Variants in RPAP1 observed in about 807,000 individuals in gnomAD.
The protein encoded by RPAP1 is RNA polymerase II-associated protein 1.
A neutral mutation model predicts 142.4 loss-of-function variants in RPAP1; 109 were observed. The ratio of observed to expected loss-of-function variants is 0.77; its 90% CI spans 0.66 to 0.90. The LOEUF is 0.90. RPAP1 is among the 40% of genes least tolerant of loss of function. The probability of loss-of-function intolerance (pLI) is 0.00; values close to 1 mark genes in which losing one functional copy is unlikely to be tolerated. For synonymous variants in RPAP1, 704 were observed against 738.9 expected (o/e 0.95, Z 0.77); for missense variants, 1,546 against 1,751.7 (o/e 0.88, Z 2.10).
intron 9 of RPAP1, among the ~76,000 whole-genome samples, chr15:41,528,586 A>G (rs1341202787): frequency 6.6e-6 from 1 of 152,152 alleles, no homozygotes; most frequent in Non-Finnish European, 1.5e-5. Flanking sequence ...AACCTGGAAA[A>G]TTAAATTGGT....
chr15:41,517,529 T>TA lies in RPAP1; in HGVS notation c.*12dup, dbSNP rs1566881189. The stretch of plus-strand genomic sequence containing the variant: ...AGGACAACGTACCCATCTTTCCATC[T>TA]ATATCAACTATCCTAGGTCTCTGAT... On this transcript the variant is annotated 3_prime_UTR_variant, in exon 25 of 25. Coordinates refer to ENST00000304330, the MANE Select transcript of RPAP1 (RefSeq NM_015540.4). The TA allele has an allele frequency of 3.3e-6, 5 of 1,531,858 alleles. No individual in the cohort carries two copies. Among genetic ancestry groups the TA allele is most frequent in the Non-Finnish European group, 4.4e-6 (5 of 1,139,516 alleles). The allele number at this position is 1,531,858 out of a possible 1,614,324, so 94.9% of individuals were successfully genotyped here.
chr15:41,536,604 C>G lies in RPAP1; in HGVS notation c.227G>C (p.Arg76Thr), dbSNP rs774841245. The change falls in exon 3 of 25, where the codon AGA becomes ACA. Residue 76 changes from arginine to threonine, a missense_variant. Coordinates refer to ENST00000304330, the MANE Select transcript of RPAP1 (RefSeq NM_015540.4). ...PPALVPSPPK[R>T]ARPSPGHCLP... ...GCAGTGGCCAGGGCTGGGCCTGGCT[C>G]TCTTTGGAGGAGAAGGGACCAAAGC... 28 of 1,613,962 alleles carry G rather than the reference C, an allele frequency of 1.7e-5. No individual in the cohort carries two copies. The East Asian group carries it at 5.8e-4, about 33-fold the overall frequency.
chr15:41,530,756 G>A (rs544225319), intron 7 of RPAP1, among the ~76,000 whole-genome samples: 3 of 152,278 alleles, frequency 2.0e-5, no homozygotes, highest in East Asian at 1.9e-4. Context: ...TGCCGGGAGC[G>A]GGTGGAGTGG....
At position 41,527,466 on chromosome 15, in the gene RPAP1, T is replaced by C. The variant is rs745455889; in HGVS notation, c.1568A>G (p.Glu523Gly). The C allele has an allele frequency of 2.5e-6, 4 of 1,613,288 alleles. No individual in the cohort carries two copies. In the South Asian group the frequency reaches 3.3e-5, roughly 13 times the overall value. The change falls in exon 12 of 25, where the codon GAA becomes GGA. Residue 523 changes from glutamate (E) to glycine (G), a missense_variant. Glu to Gly is a moderately conservative substitution (Grantham distance 98). This residue lies in a region of RPAP1 where 1,333 missense variants were observed against 1,486.6 expected (regional missense o/e 0.90). Transcript: ENST00000304330. Reference protein sequence around the residue: ...GKAKRKSPEEESRPPPDLARH... With the variant: ...GKAKRKSPEEGSRPPPDLARH... The stretch of plus-strand genomic sequence containing the variant: ...GGCCAGGTCAGGTGGAGGCCGGCTT[T>C]CTTCTTCAGGGCTTTTCCTTTTTGC...
At chr15:41,536,692 C>G in intron 2 of RPAP1, 43 bp from the exon 3 acceptor site, 1 of 1,599,190 alleles carries the variant, frequency 6.3e-7, no homozygotes, top group Non-Finnish European at 8.5e-7. Flanking sequence ...TGCACACCTT[C>G]CTAGGAAGAC....
chr15:41,529,869 G>C lies in RPAP1; in HGVS notation c.1054C>G (p.Gln352Glu), dbSNP rs1346820325. Reference sequence around the variant, plus strand: ...GGCCAGGTGGCCCTCCTCACCTCCTGTGTCTGCTGCCGCCGGACAGGGGGC... The same window carrying C: ...GGCCAGGTGGCCCTCCTCACCTCCTCTGTCTGCTGCCGCCGGACAGGGGGC... Reference protein sequence around the residue: ...DLPPVRRQQTQERMQARFSLQ... With the variant: ...DLPPVRRQQTEERMQARFSLQ... The change falls in exon 8 of 25, where the codon CAG becomes GAG. Residue 352 changes from glutamine (Q) to glutamate (E), a missense_variant. Coordinates refer to ENST00000304330, the MANE Select transcript of RPAP1 (RefSeq NM_015540.4). The C allele has an allele frequency of 6.2e-7, 1 of 1,604,756 alleles. No homozygotes were observed. The highest frequency in any genetic ancestry group is 1.7e-5 in the Admixed American group (1 of 59,306).
At chr15:41,539,594 C>G (rs1181733451) in intron 1 of RPAP1, among the ~76,000 whole-genome samples, 1 of 152,116 alleles carries the variant, frequency 6.6e-6, no homozygotes, top group Admixed American at 6.6e-5. Context: ...CCGTGCCCCA[C>G]AATTTTTGTG....
intron 19 of RPAP1, 62 bp from the exon 20 acceptor site, chr15:41,522,312 A>G: frequency 6.6e-7 from 1 of 1,514,088 alleles, no homozygotes; most frequent in South Asian, 1.2e-5. Flanking sequence ...AGGGCTCCCC[A>G]GGTGGCTGCC....
In RPAP1 at chr15:41,520,561, C is replaced by A. The variant is rs763750368; in HGVS notation, c.3625G>T (p.Asp1209Tyr). The A allele has an allele frequency of 3.7e-6, 6 of 1,614,202 alleles. No homozygotes were observed. The South Asian group carries it at 5.5e-5, about 15-fold the overall frequency. ...TGATCCAGGAAGTTGGCATAGAGGT[C>A]AGGGAAAGACGTCAGGCCAGGGAGT... is the stretch of plus-strand genomic sequence containing the variant. ...CRLPGLTSFP[D>Y]LYANFLDHFE... The change falls in exon 22 of 25, where the codon GAC (aspartate) becomes TAC (tyrosine). Residue 1209 changes from aspartate (D) to tyrosine (Y), a missense_variant. Asp to Tyr is a radical substitution (Grantham distance 160). This residue lies in a region of RPAP1 where 210 missense variants were observed against 248.0 expected (regional missense o/e 0.85). Coordinates refer to ENST00000304330, the MANE Select transcript of RPAP1 (RefSeq NM_015540.4).
At position 41,521,122 on chromosome 15, in the gene RPAP1, C is replaced by T. The variant is rs1358766633; in HGVS notation, c.3064G>A (p.Ala1022Thr). Residue 1022 changes from alanine to threonine, a missense_variant, in exon 22 of 25, where the codon GCA becomes ACA. Transcript: ENST00000304330. ...GACAGCTGGTCAGAGAAGTCGGCTG[C>T]CTCTGGACCCCCTGATGTTCTTTCC... ...LPERTSGGPEAADFSDQLSLG... is the reference protein window; with the variant it reads ...LPERTSGGPETADFSDQLSLG... The T allele has an allele frequency of 1.3e-6, 2 of 1,513,920 alleles. No individual in the cohort carries two copies. Among genetic ancestry groups the T allele is most frequent in the African/African-American group, 1.4e-5 (1 of 71,616 alleles). The allele number at this position is 1,513,920 out of a possible 1,614,324, so 93.8% of individuals were successfully genotyped here.
chr15:41,531,829 C>T (rs1203428321), intron 6 of RPAP1, among the ~76,000 whole-genome samples: 3 of 149,192 alleles, frequency 2.0e-5, no homozygotes, highest in East Asian at 3.9e-4. Context: ...TTACTAGAGA[C>T]GGGGTTTTAC....
intron 7 of RPAP1, among the ~76,000 whole-genome samples, chr15:41,530,297 A>G (rs963730552): frequency 1.3e-5 from 2 of 152,238 alleles, no homozygotes; most frequent in South Asian, 2.1e-4. Context: ...GGAGGACCAC[A>G]TATGTCAGGA....
In RPAP1 at chr15:41,524,880, T is replaced by G. The variant is rs1243535095; in HGVS notation, c.2075+111A>C. On this transcript the variant is annotated intron_variant, in intron 15 of 24. Coordinates refer to ENST00000304330, the MANE Select transcript of RPAP1 (RefSeq NM_015540.4). The stretch of plus-strand genomic sequence containing the variant: ...ATCTGGCAGAAGCCCTCCCACTCAT[T>G]CTTATCCTTCCTCCAAGCTTGGGAC... 4.3e-6 allele frequency: 5 copies of G among 1,169,764 alleles called. No homozygotes were observed. In the Admixed American group the frequency reaches 8.8e-5, roughly 21 times the overall value. 72.5% of individuals were successfully genotyped at this position (1,169,764 alleles called of 1,614,324 possible).
intron 7 of RPAP1, 71 bp from the exon 8 acceptor site, chr15:41,530,050 C>G (rs1308495138): frequency 1.8e-5 from 20 of 1,116,234 alleles, no homozygotes; most frequent in Non-Finnish European, 2.5e-5. Flanking sequence ...CCCACCATCA[C>G]CCAGCAGCTG....
At chr15:41,526,794 G>A in intron 14 of RPAP1, 104 bp downstream of exon 14, 2 of 1,146,660 alleles carry the variant, frequency 1.7e-6, no homozygotes, top group Non-Finnish European at 2.5e-6. Flanking sequence ...CAGAGAGGAA[G>A]AAGATGGCAA....
intron 18 of RPAP1, 42 bp downstream of exon 18, chr15:41,523,203 C>T: frequency 1.5e-6 from 2 of 1,351,036 alleles, no homozygotes; most frequent in Non-Finnish European, 2.0e-6. Context: ...AAAGAAATTG[C>T]CTCCTCCCCT....
intron 1 of RPAP1, 142 bp downstream of exon 1, chr15:41,544,077 A>G (rs2051997183): frequency 6.6e-6 from 1 of 152,422 alleles, no homozygotes; most frequent in African/African-American, 2.4e-5. Context: ...GCCGTGCCCG[A>G]GATCTATGCA....
chr15:41,521,127 G>A lies in RPAP1; in HGVS notation c.3059C>T (p.Pro1020Leu). ...EFLPERTSGG[P>L]EAADFSDQLS... ...CTGGTCAGAGAAGTCGGCTGCCTCTGGACCCCCTGATGTTCTTTCCCTGTA... is the reference window on the plus strand; with the variant it reads ...CTGGTCAGAGAAGTCGGCTGCCTCTAGACCCCCTGATGTTCTTTCCCTGTA... The change falls in exon 22 of 25, where the codon CCA becomes CTA. Residue 1020 changes from proline to leucine, a missense_variant. Pro to Leu is a moderately conservative substitution (Grantham distance 98). Coordinates refer to ENST00000304330, the MANE Select transcript of RPAP1 (RefSeq NM_015540.4). The A allele has an allele frequency of 6.6e-7, 1 of 1,513,806 alleles. No individual in the cohort carries two copies. The highest frequency in any genetic ancestry group is 8.8e-7 in the Non-Finnish European group (1 of 1,132,072). 93.8% of individuals were successfully genotyped at this position (1,513,806 alleles called of 1,614,324 possible).
intron 1 of RPAP1, among the ~76,000 whole-genome samples, chr15:41,538,248 C>A (rs2051934677): frequency 6.6e-6 from 1 of 152,014 alleles, no homozygotes; most frequent in African/African-American, 2.4e-5. Flanking sequence ...GTCAAAAAAA[C>A]AAAACAAAAC....
Sources: allele counts gnomAD v4.1 joint callset (sites outside exome capture counted in the v4.1 genomes callset), GRCh38; gene constraint gnomAD v4.1.1; regional missense constraint gnomAD v4.1.1; transcripts MANE v1.5; gene names NCBI Gene and HGNC (gene_info 2026-07-23, HGNC 2026-07-21).